Variants in NF1 observed in about 807,000 individuals in gnomAD.
The protein encoded by NF1 is neurofibromin 1, also known as neurofibromin.
NF1 carries 122 observed loss-of-function variants against 325.7 expected under a neutral mutation model. The ratio of observed to expected loss-of-function variants is 0.37; its 90% CI spans 0.32 to 0.44. NF1 has a LOEUF of 0.44. Among genes scored for constraint, NF1 ranks in the 20% least tolerant of loss-of-function variants. The pLI, the probability that NF1 is intolerant of heterozygous loss-of-function variation, is 1.00. For missense variants in NF1, 2,140 were observed against 3,415.4 expected (o/e 0.63, Z 9.31); for synonymous variants, 1,091 against 1,186.0 (o/e 0.92, Z 1.65).
intron 1 of NF1, among the ~76,000 whole-genome samples, chr17:31,113,309 T>G (rs1386278391): frequency 6.6e-6 from 1 of 152,208 alleles, no homozygotes; most frequent in Admixed American, 6.5e-5. Flanking sequence ...AGGGTCTTGC[T>G]CTGTCCCCTA....
chr17:31,167,196 T>C lies in NF1; in HGVS notation c.480-2695T>C, dbSNP rs115449358. Among the ~76,000 whole-genome samples, 1,445 of 152,256 alleles carry C rather than the reference T, an allele frequency of 9.5e-3. 24 individuals carry two copies. The highest frequency in any genetic ancestry group is 0.033 in the African/African-American group (1,362 of 41,544). On this transcript the variant is annotated intron_variant, in intron 4 of 57. Transcript: ENST00000358273. ...AAGTTGGTATTGCTGATCTATGATGTTGTGTTTTCTGAGGAGCCGTACTCC... is the reference window on the plus strand; with the variant it reads ...AAGTTGGTATTGCTGATCTATGATGCTGTGTTTTCTGAGGAGCCGTACTCC...
intron 49 of NF1, 37 bp downstream of exon 49, chr17:31,349,288 A>G (rs2070080756): frequency 6.3e-7 from 1 of 1,599,982 alleles, no homozygotes; most frequent in Admixed American, 1.7e-5. Context: ...ATCTTGCTAC[A>G]TCTATATATA....
chr17:31,334,766 A>G (rs760954815), intron 39 of NF1, 72 bp from the exon 40 acceptor site: 1 of 1,277,628 alleles, frequency 7.8e-7, no homozygotes, highest in South Asian at 1.2e-5. Flanking sequence ...TTTTCCCCGA[A>G]TTCTTTATGT....
intron 1 of NF1, among the ~76,000 whole-genome samples, chr17:31,101,317 G>A (rs916190855): frequency 2.6e-5 from 4 of 152,166 alleles, no homozygotes; most frequent in South Asian, 2.1e-4. Context: ...CTTAGCGGGG[G>A]TCTTAGTTTT....
At chr17:31,215,513 T>TA (rs1186128180) in intron 13 of NF1, among the ~76,000 whole-genome samples, 2 of 152,220 alleles carry the variant, frequency 1.3e-5, no homozygotes, top group African/African-American at 4.8e-5. Context: ...ATCATAATAG[T>TA]TCCTATCTCA....
At chr17:31,224,734 C>T (rs912483488) in intron 16 of NF1, among the ~76,000 whole-genome samples, 2 of 152,124 alleles carry the variant, frequency 1.3e-5, no homozygotes, top group South Asian at 2.1e-4. Flanking sequence ...GTTATCCCAA[C>T]ATGGCACAGT....
intron 57 of NF1, among the ~76,000 whole-genome samples, chr17:31,365,552 ATTT>A (rs200708240): frequency 6.6e-6 from 1 of 151,816 alleles, no homozygotes; most frequent in Admixed American, 6.6e-5. Context: ...AGTGTGCACT[ATTT>A]TTTTTATTTT....
intron 36 of NF1, among the ~76,000 whole-genome samples, chr17:31,293,038 C>T (rs939626674): frequency 1.5e-4 from 22 of 151,588 alleles, no homozygotes; most frequent in African/African-American, 4.1e-4. Flanking sequence ...ATTAGTCGAG[C>T]GTGGTGGCAG....
chr17:31,170,251 C>T (rs933043586), intron 5 of NF1, among the ~76,000 whole-genome samples: 6 of 152,146 alleles, frequency 3.9e-5, no homozygotes, highest in African/African-American at 7.2e-5. Context: ...GTTTTCAATA[C>T]AGAGAATGCA....
At chr17:31,358,851 A>T in intron 55 of NF1, 118 bp from the exon 56 acceptor site, 2 of 1,109,692 alleles carry the variant, frequency 1.8e-6, no homozygotes, top group Non-Finnish European at 2.7e-6. Flanking sequence ...TCATTCTAAA[A>T]ACATGTTTTC....
chr17:31,190,668 A>T (rs945235146), intron 8 of NF1, among the ~76,000 whole-genome samples: 1 of 152,194 alleles, frequency 6.6e-6, no homozygotes, highest in African/African-American at 2.4e-5. Context: ...TATCCTTGTT[A>T]ACTGATGCTC....
In NF1 at chr17:31,259,120, C is replaced by T. The variant is rs587781553; in HGVS notation, c.4421C>T (p.Ala1474Val). ...FNDFVKSNFD[A>V]ARRFFLDIAS... ...GATTTTGTGAAAAGCAACTTTGATG[C>T]AGCACGCAGGTAATTTTCTTGCCAC... The change falls in exon 33 of 58, where the codon GCA (alanine) becomes GTA (valine). Residue 1474 changes from alanine (A) to valine (V), a missense_variant. Ala to Val is a moderately conservative substitution (Grantham distance 64). This residue lies in a region of NF1 where 336 missense variants were observed against 399.0 expected (regional missense o/e 0.84). Transcript: ENST00000358273. 14 of 1,598,134 alleles carry T rather than the reference C, an allele frequency of 8.8e-6. No homozygotes were observed. The Admixed American group carries it at 2.4e-4, about 27-fold the overall frequency.
At chr17:31,100,827 C>T (rs894818121) in intron 1 of NF1, among the ~76,000 whole-genome samples, 1 of 152,174 alleles carries the variant, frequency 6.6e-6, no homozygotes, top group Non-Finnish European at 1.5e-5. Flanking sequence ...CTTGACTTCC[C>T]AAAGTGCTGG....
At chr17:31,182,002 AT>A (rs1156351321) in intron 7 of NF1, among the ~76,000 whole-genome samples, 1 of 152,178 alleles carries the variant, frequency 6.6e-6, no homozygotes, top group Non-Finnish European at 1.5e-5. Context: ...GTAGTTTGAA[AT>A]GAAGGTCAGA....
chr17:31,376,401 A>AT lies in NF1; in HGVS notation c.*2248dup, dbSNP rs2070732423. The AT allele has an allele frequency of 1.3e-5, 3 of 232,936 alleles. No homozygotes were observed. Among genetic ancestry groups the AT allele is most frequent in the Non-Finnish European group, 2.5e-5 (3 of 117,826 alleles). The allele number at this position is 232,936 out of a possible 1,614,324, so 14.4% of individuals were successfully genotyped here. ...TTTCATACCGCCTGAAATGATCAGC[A>AT]TTGGCACAAATCAAAATTCAGCCGC... On this transcript the variant is annotated 3_prime_UTR_variant, in exon 58 of 58. Coordinates refer to ENST00000358273, the MANE Select transcript of NF1 (RefSeq NM_001042492.3).
At chr17:31,304,864 G>T (rs2068666778) in intron 36 of NF1, 1 of 1,613,900 alleles carries the variant, frequency 6.2e-7, no homozygotes, top group Non-Finnish European at 8.5e-7. Context: ...AATGTCAGGG[G>T]TTTCTCCATC....
Position 31,156,256 on chromosome 17 carries a change from T to C in NF1, c.204+130T>C, listed in dbSNP as rs1597626305. On this transcript the variant is annotated intron_variant, in intron 2 of 57. Coordinates refer to ENST00000358273, the MANE Select transcript of NF1 (RefSeq NM_001042492.3). ...ACTTTGGATATAACCATTAATCTTA[T>C]TTTGTTTACGAGCACAGATAACCTT... 3.8e-5 allele frequency: 43 copies of C among 1,133,008 alleles called. No homozygotes were observed. The East Asian group carries it at 1.0e-3, about 26-fold the overall frequency. The allele number at this position is 1,133,008 out of a possible 1,614,324, so 70.2% of individuals were successfully genotyped here. A position where few individuals can be genotyped will look rare whatever the true frequency, so the allele number is the denominator to read the frequency against.
At chr17:31,140,087 T>A (rs1215257671) in intron 1 of NF1, among the ~76,000 whole-genome samples, 2 of 152,196 alleles carry the variant, frequency 1.3e-5, no homozygotes, top group African/African-American at 4.8e-5. Context: ...CCATAGGGGA[T>A]AAAACGATTA....
intron 36 of NF1, among the ~76,000 whole-genome samples, chr17:31,310,770 A>G (rs923063139): frequency 2.6e-5 from 4 of 152,014 alleles, no homozygotes; most frequent in Admixed American, 1.3e-4. Flanking sequence ...GTCAGCCCTC[A>G]TATGCCGGTT....
Sources: allele counts gnomAD v4.1 joint callset (sites outside exome capture counted in the v4.1 genomes callset), GRCh38; gene constraint gnomAD v4.1.1; regional missense constraint gnomAD v4.1.1; transcripts MANE v1.5; gene names NCBI Gene and HGNC (gene_info 2026-07-23, HGNC 2026-07-21).